SLC22A3: variants seen among roughly 807,000 people sequenced by gnomAD.
The protein encoded by SLC22A3 is EMT organic cation transporter 3.
Under a neutral mutation model 59.1 loss-of-function variants are expected in SLC22A3, and 51 were observed. The observed-to-expected ratio is 0.86, with a 90% CI of 0.69 to 1.09. The LOEUF (loss-of-function observed/expected upper bound fraction) is 1.09, where lower values mean the gene tolerates loss of function less well. Among genes scored for constraint, SLC22A3 ranks in the 50% least tolerant of loss-of-function variants. The pLI is 0.00. For synonymous variants in SLC22A3, 325 were observed against 292.0 expected, an observed-to-expected ratio of 1.11 and a Z score of -1.15; for missense variants, 711 against 726.3, an observed-to-expected ratio of 0.98 and a Z score of 0.24.
chr6:160,446,141 C>T (rs941534256), intron 9 of SLC22A3, among the ~76,000 whole-genome samples: 9 of 152,254 alleles, frequency 5.9e-5, no homozygotes, highest in African/African-American at 1.9e-4. Context: ...CAGGAGGGCA[C>T]GAGACCAGGT....
chr6:160,398,241 C>T (rs1786606122), intron 2 of SLC22A3, among the ~76,000 whole-genome samples, 159 bp downstream of exon 2: 1 of 152,174 alleles, frequency 6.6e-6, no homozygotes, highest in African/African-American at 2.4e-5. Context: ...GTTGGTTTGA[C>T]TAATTCTTTT....
At position 160,407,087 on chromosome 6, in the gene SLC22A3, G is replaced by A. The variant is rs751170098; in HGVS notation, c.580G>A (p.Val194Ile). ...CTTGCTATCCTGCCTTGGTGTTGGC[G>A]TCACTGGGGTTGTGGTGGCCTTTGC... is the stretch of plus-strand genomic sequence containing the variant. ...IYLLSCLGVG[V>I]TGVVVAFAPN... is the part of the protein sequence containing the mutation. Residue 194 changes from valine (V) to isoleucine (I), a missense_variant, in exon 3 of 11, where the codon GTC becomes ATC. Coordinates refer to ENST00000275300, the MANE Select transcript of SLC22A3 (RefSeq NM_021977.4). 2.1e-5 allele frequency: 34 copies of A among 1,612,586 alleles called. No homozygotes were observed. Among genetic ancestry groups the A allele is most frequent in the Non-Finnish European group, 2.6e-5 (31 of 1,179,344 alleles).
At chr6:160,410,525 G>T (rs1298478611) in intron 4 of SLC22A3, among the ~76,000 whole-genome samples, 1 of 152,140 alleles carries the variant, frequency 6.6e-6, no homozygotes. Flanking sequence ...GATGAGCAAT[G>T]ATCCAATTAT....
At chr6:160,362,789 G>A (rs569385391) in intron 1 of SLC22A3, among the ~76,000 whole-genome samples, 44 of 152,312 alleles carry the variant, frequency 2.9e-4, no homozygotes, top group Non-Finnish European at 4.7e-4. Flanking sequence ...CGGCACCAGC[G>A]CGTTAGGCTG....
chr6:160,435,149 C>G (rs1462721547), intron 5 of SLC22A3, among the ~76,000 whole-genome samples: 1 of 152,184 alleles, frequency 6.6e-6, no homozygotes, highest in Non-Finnish European at 1.5e-5. Context: ...ATGACTGTCA[C>G]TAGGCTGCCA....
intron 1 of SLC22A3, among the ~76,000 whole-genome samples, chr6:160,374,407 G>T (rs1295528094): frequency 6.6e-6 from 1 of 152,084 alleles, no homozygotes; most frequent in Admixed American, 6.5e-5. Context: ...CCCACCTTCT[G>T]CATCCACCTC....
intron 1 of SLC22A3, among the ~76,000 whole-genome samples, chr6:160,350,403 G>T (rs1279003306): frequency 5.3e-5 from 8 of 152,310 alleles, no homozygotes; most frequent in Non-Finnish European, 1.5e-5. Context: ...CCATGGTAAG[G>T]CTGGGGACTG....
At chr6:160,444,600 C>G (rs1396674890) in intron 9 of SLC22A3, among the ~76,000 whole-genome samples, 10 of 152,060 alleles carry the variant, frequency 6.6e-5, no homozygotes, top group Non-Finnish European at 1.3e-4. Context: ...TAGGAGGGAC[C>G]TTGGGGAATT....
intron 1 of SLC22A3, among the ~76,000 whole-genome samples, chr6:160,366,560 A>T (rs565167293): frequency 5.6e-4 from 86 of 152,296 alleles, no homozygotes; most frequent in African/African-American, 2.0e-3. Flanking sequence ...CCCTCTTATC[A>T]CAGCTCCACC....
chr6:160,385,247 G>C (rs1354995160), intron 1 of SLC22A3, among the ~76,000 whole-genome samples: 1 of 152,218 alleles, frequency 6.6e-6, no homozygotes, highest in Non-Finnish European at 1.5e-5. Context: ...GAATTGTGCT[G>C]AGCCCTGCTG....
At chr6:160,359,205 C>A (rs1255815439) in intron 1 of SLC22A3, among the ~76,000 whole-genome samples, 1 of 152,096 alleles carries the variant, frequency 6.6e-6, no homozygotes, top group African/African-American at 2.4e-5. Context: ...AAATACTCCC[C>A]CAACCCAAAT....
At chr6:160,376,888 T>G (rs1210675700) in intron 1 of SLC22A3, among the ~76,000 whole-genome samples, 1 of 152,226 alleles carries the variant, frequency 6.6e-6, no homozygotes, top group Non-Finnish European at 1.5e-5. Flanking sequence ...CAACTATTAT[T>G]AATGTGACCT....
intron 5 of SLC22A3, among the ~76,000 whole-genome samples, chr6:160,429,174 A>G (rs1394015118): frequency 1.3e-5 from 2 of 152,240 alleles, no homozygotes; most frequent in African/African-American, 2.4e-5. Flanking sequence ...CGGTGAGCCC[A>G]AAGACCTCAA....
chr6:160,389,249 G>A (rs1353162173), intron 1 of SLC22A3, among the ~76,000 whole-genome samples: 3 of 151,994 alleles, frequency 2.0e-5, no homozygotes, highest in Non-Finnish European at 2.9e-5. Context: ...CCATTTTTTT[G>A]TCTTGTATTT....
intron 5 of SLC22A3, among the ~76,000 whole-genome samples, chr6:160,431,638 ACT>A (rs1788154133): frequency 6.6e-6 from 1 of 151,932 alleles, no homozygotes; most frequent in Admixed American, 6.6e-5. Context: ...TCATATTACC[ACT>A]CTGTTTTAAC....
intron 1 of SLC22A3, among the ~76,000 whole-genome samples, chr6:160,387,891 C>T (rs1786086998): frequency 6.6e-6 from 1 of 152,200 alleles, no homozygotes; most frequent in African/African-American, 2.4e-5. Flanking sequence ...GAAATGAATT[C>T]TAACTCCTTT....
chr6:160,429,702 T>C (rs190269023), intron 5 of SLC22A3, among the ~76,000 whole-genome samples: 2 of 152,246 alleles, frequency 1.3e-5, no homozygotes, highest in East Asian at 3.9e-4. Flanking sequence ...ATACTTTGAG[T>C]TGCAAGGTTG....
Position 160,447,789 on chromosome 6 carries a change from G to A in SLC22A3, c.1581G>A (p.Glu527=). The change falls in exon 10 of 11, where the codon GAG becomes GAA. Residue 527 remains glutamate, a synonymous_variant. Coordinates refer to ENST00000275300, the MANE Select transcript of SLC22A3 (RefSeq NM_021977.4). ...LPETKGIALP[E]TVDDVEKLGS... ...AAACCAAGGGTATTGCCTTGCCAGA[G>A]ACAGTGGATGATGTAGAAAAACTTG... The A allele has an allele frequency of 6.2e-7, 1 of 1,614,076 alleles. No homozygotes were observed. The highest frequency in any genetic ancestry group is 2.2e-5 in the East Asian group (1 of 44,868).
chr6:160,438,817 C>T (rs1788443045), intron 7 of SLC22A3, among the ~76,000 whole-genome samples: 1 of 152,196 alleles, frequency 6.6e-6, no homozygotes. Flanking sequence ...TCAAGGCATC[C>T]AAGGGTGCTT....
Sources: gnomAD v4.1 joint callset for allele counts (sites outside exome capture counted in the v4.1 genomes callset) on GRCh38, gnomAD v4.1.1 for gene constraint, MANE v1.5 for transcripts, NCBI Gene and HGNC (gene_info 2026-07-23, HGNC 2026-07-21) for gene names.